EPHA6: variants seen among roughly 807,000 people sequenced by gnomAD.
EPHA6 encodes the protein ephrin type-A receptor 6.
A neutral mutation model predicts 112.0 loss-of-function variants in EPHA6; 50 were observed. That is an observed-to-expected ratio of 0.45 (90% CI 0.36 to 0.56). The LOEUF (loss-of-function observed/expected upper bound fraction) is 0.56. EPHA6 is among the 20% of genes least tolerant of loss of function. The pLI is 0.00. For synonymous variants in EPHA6, 529 were observed against 490.7 expected (o/e 1.08, Z -1.03); for missense variants, 1,280 against 1,417.4 (o/e 0.90, Z 1.56).
At chr3:97,435,969 C>T (rs1345361967) in intron 6 of EPHA6, among the ~76,000 whole-genome samples, 7 of 152,052 alleles carry the variant, frequency 4.6e-5, no homozygotes, top group South Asian at 2.1e-4. Flanking sequence ...CTTTTGTGTG[C>T]GAAGGTGTGT....
At chr3:97,532,998 A>C (rs981098478) in intron 11 of EPHA6, among the ~76,000 whole-genome samples, 11 of 151,986 alleles carry the variant, frequency 7.2e-5, no homozygotes, top group Admixed American at 6.6e-4. Flanking sequence ...TTAGGAGTAA[A>C]TTATTATAAT....
At chr3:97,119,268 A>G (rs766255072) in intron 3 of EPHA6, among the ~76,000 whole-genome samples, 1 of 152,044 alleles carries the variant, frequency 6.6e-6, no homozygotes, top group East Asian at 1.9e-4. Context: ...CATTCATACA[A>G]CTGCTTCCAA....
At chr3:97,727,112 CCCAAAAAGAGAACTGCT>C (rs1432385517) in intron 15 of EPHA6, among the ~76,000 whole-genome samples, 6 of 151,952 alleles carry the variant, frequency 3.9e-5, no homozygotes, top group African/African-American at 1.4e-4. Context: ...AGTTCAGTTT[CCCAAAAAGAGAACTGCT>C]ATCAGGGAGC....
At chr3:97,507,651 G>A (rs1423275968) in intron 10 of EPHA6, among the ~76,000 whole-genome samples, 1 of 151,966 alleles carries the variant, frequency 6.6e-6, no homozygotes, top group Non-Finnish European at 1.5e-5. Context: ...GCCTGGTTTG[G>A]GTATCAGGAT....
chr3:97,236,560 G>A (rs761394911), intron 4 of EPHA6, among the ~76,000 whole-genome samples: 13 of 152,036 alleles, frequency 8.6e-5, no homozygotes, highest in East Asian at 1.9e-4. Context: ...ATTCTAATGC[G>A]TACCCTTAGG....
At chr3:97,531,528 C>G (rs2092695127) in intron 10 of EPHA6, among the ~76,000 whole-genome samples, 1 of 151,990 alleles carries the variant, frequency 6.6e-6, no homozygotes, top group South Asian at 2.1e-4. Flanking sequence ...AGTTTCATCC[C>G]CTCCAGGAAG....
chr3:97,308,513 CTATT>C (rs1370525931), intron 5 of EPHA6, among the ~76,000 whole-genome samples: 2 of 151,726 alleles, frequency 1.3e-5, no homozygotes, highest in African/African-American at 4.8e-5. Context: ...ATTCACATAT[CTATT>C]CTCTTTGTGC....
chr3:97,140,244 G>C (rs1183144498), intron 3 of EPHA6, among the ~76,000 whole-genome samples: 1 of 152,070 alleles, frequency 6.6e-6, no homozygotes, highest in Admixed American at 6.6e-5. Flanking sequence ...AGAAATAAAA[G>C]TAAAAGGTTT....
At chr3:97,623,366 T>C (rs1001637336) in intron 13 of EPHA6, among the ~76,000 whole-genome samples, 8 of 151,754 alleles carry the variant, frequency 5.3e-5, no homozygotes, top group Non-Finnish European at 1.0e-4. Context: ...GACTGTACTT[T>C]CCAAATTTAA....
At chr3:97,566,515 A>G (rs954680684) in intron 11 of EPHA6, among the ~76,000 whole-genome samples, 2 of 152,234 alleles carry the variant, frequency 1.3e-5, no homozygotes, top group African/African-American at 2.4e-5. Flanking sequence ...TTTGGGATCC[A>G]ATCTTGGAAA....
Position 97,561,083 on chromosome 3 carries a change from C to T in EPHA6, c.2386+28540C>T, listed in dbSNP as rs142955560. ...TGTGTTTTCTGACTGTTCCACCAAT[C>T]AGCCATTCCTCCATTTCTCTCTCCT... On this transcript the variant is annotated intron_variant, in intron 11 of 17. Coordinates refer to ENST00000389672, the MANE Select transcript of EPHA6 (RefSeq NM_001080448.3). Among the ~76,000 whole-genome samples the T allele has an allele frequency of 2.2e-3, 333 of 152,084 alleles. 2 individuals are homozygous for T. The highest frequency in any genetic ancestry group is 7.8e-3 in the African/African-American group (323 of 41,526).
intron 14 of EPHA6, among the ~76,000 whole-genome samples, chr3:97,712,574 A>G (rs1471063396): frequency 6.6e-6 from 1 of 152,190 alleles, no homozygotes; most frequent in Admixed American, 6.5e-5. Context: ...TGTGTCCTAC[A>G]TTATCTACCT....
At chr3:97,134,194 T>C in intron 3 of EPHA6, among the ~76,000 whole-genome samples, 1 of 152,108 alleles carries the variant, frequency 6.6e-6, no homozygotes, top group Non-Finnish European at 1.5e-5. Flanking sequence ...TAATAAAATA[T>C]CAACATATGA....
At chr3:97,722,564 C>A (rs2034576026) in intron 15 of EPHA6, among the ~76,000 whole-genome samples, 2 of 152,086 alleles carry the variant, frequency 1.3e-5, no homozygotes, top group Non-Finnish European at 2.9e-5. Flanking sequence ...GTCCATGTAG[C>A]TCCTCACGTA....
intron 3 of EPHA6, among the ~76,000 whole-genome samples, chr3:97,029,059 A>T (rs2044736884): frequency 6.6e-6 from 1 of 151,624 alleles, no homozygotes; most frequent in African/African-American, 2.4e-5. Context: ...GTATATCAAA[A>T]TTGGAATTAA....
intron 13 of EPHA6, among the ~76,000 whole-genome samples, chr3:97,613,636 G>C (rs1576075511): frequency 1.3e-5 from 2 of 152,184 alleles, no homozygotes; most frequent in Middle Eastern, 6.8e-3. Flanking sequence ...AAGTGTGTGT[G>C]TGGGCTTGTG....
intron 1 of EPHA6, among the ~76,000 whole-genome samples, chr3:96,839,824 G>A (rs1164323337): frequency 6.6e-6 from 1 of 152,008 alleles, no homozygotes; most frequent in East Asian, 1.9e-4. Context: ...GCATTTGTTA[G>A]CACAGCAGTA....
At chr3:97,507,634 T>C (rs1014892196) in intron 10 of EPHA6, among the ~76,000 whole-genome samples, 1 of 152,130 alleles carries the variant, frequency 6.6e-6, no homozygotes, top group South Asian at 2.1e-4. Flanking sequence ...CTTTTTTTGT[T>C]GTGTCTGCCT....
chr3:96,921,286 A>G (rs1044364857), intron 2 of EPHA6, among the ~76,000 whole-genome samples: 8 of 152,250 alleles, frequency 5.3e-5, no homozygotes, highest in African/African-American at 1.4e-4. Context: ...CATATTAGCT[A>G]CATAAATCCT....
Sources: allele counts gnomAD v4.1 joint callset (sites outside exome capture counted in the v4.1 genomes callset), GRCh38; gene constraint gnomAD v4.1.1; transcripts MANE v1.5; gene names NCBI Gene and HGNC (gene_info 2026-07-23, HGNC 2026-07-21).